Variants in RUNDC3B observed in about 807,000 individuals in gnomAD.
RUNDC3B encodes RUN domain containing 3B.
RUNDC3B carries 33 observed loss-of-function variants against 58.4 expected under a neutral mutation model. The observed-to-expected ratio is 0.56, with a 90% CI of 0.43 to 0.75. RUNDC3B has a LOEUF of 0.75. Ranked by LOEUF, RUNDC3B falls within the 30% of genes least tolerant of loss-of-function variation. RUNDC3B has a pLI of 0.00. For synonymous variants in RUNDC3B, 193 were observed against 195.2 expected (o/e 0.99, Z 0.10); for missense variants, 501 against 535.7 (o/e 0.94, Z 0.64).
chr7:87,789,555 C>T (rs952782885), intron 8 of RUNDC3B, among the ~76,000 whole-genome samples: 3 of 152,110 alleles, frequency 2.0e-5, no homozygotes, highest in Admixed American at 1.3e-4. Flanking sequence ...TTCTACTCAT[C>T]TGGTCATGTA....
chr7:87,634,043 A>C (rs906433387), intron 1 of RUNDC3B, among the ~76,000 whole-genome samples: 1 of 152,086 alleles, frequency 6.6e-6, no homozygotes, highest in Non-Finnish European at 1.5e-5. Flanking sequence ...GCAGGTGTGA[A>C]GAGAGACCAA....
intron 2 of RUNDC3B, among the ~76,000 whole-genome samples, chr7:87,652,934 G>A (rs1823730214): frequency 6.6e-6 from 1 of 151,844 alleles, no homozygotes; most frequent in Non-Finnish European, 1.5e-5. Context: ...TATTTTTGAA[G>A]TAAAAGGACA....
chr7:87,659,424 T>C (rs1413304902), intron 2 of RUNDC3B, among the ~76,000 whole-genome samples: 1 of 152,194 alleles, frequency 6.6e-6, no homozygotes, highest in Non-Finnish European at 1.5e-5. Flanking sequence ...TATACCAGTC[T>C]ACTGGTATCA....
At chr7:87,714,823 C>G (rs752308353) in intron 4 of RUNDC3B, among the ~76,000 whole-genome samples, 3 of 152,050 alleles carry the variant, frequency 2.0e-5, no homozygotes, top group Non-Finnish European at 4.4e-5. Context: ...CATTCCATTC[C>G]TAGAGCTATG....
chr7:87,766,478 A>G (rs935752360), intron 6 of RUNDC3B, among the ~76,000 whole-genome samples: 5 of 152,140 alleles, frequency 3.3e-5, no homozygotes, highest in African/African-American at 1.2e-4. Flanking sequence ...CTGGGGAAGG[A>G]CTTTATTTCT....
At chr7:87,658,035 A>T (rs1824293516) in intron 2 of RUNDC3B, among the ~76,000 whole-genome samples, 1 of 152,220 alleles carries the variant, frequency 6.6e-6, no homozygotes, top group South Asian at 2.1e-4. Context: ...AAGAACCAGG[A>T]AGATCTCAGA....
intron 1 of RUNDC3B, among the ~76,000 whole-genome samples, chr7:87,646,931 A>G (rs1469621691): frequency 6.6e-6 from 1 of 152,204 alleles, no homozygotes; most frequent in East Asian, 1.9e-4. Context: ...GTTACTTCCT[A>G]TATGTTATTT....
rs772988678 is a variant in RUNDC3B at position 87,816,170 on chromosome 7, C to T, written c.1133C>T (p.Ser378Leu). 5 of 1,608,608 alleles carry T rather than the reference C, an allele frequency of 3.1e-6. No individual in the cohort carries two copies. In the Admixed American group the frequency reaches 8.3e-5, roughly 27 times the overall value. ...EKSYQSLDQL[S>L]AEVSLSQTSL... ...AGTTATCAAAGTCTTGACCAGTTAT[C>T]AGCAGAAGTTAGCCTTTCTCAGACT... Residue 378 changes from serine (S) to leucine (L), a missense_variant, in exon 10 of 11, where the codon TCA becomes TTA. By Grantham distance (145) the Ser-to-Leu change is moderately radical. Transcript: ENST00000394654.
At chr7:87,814,015 G>A (rs1456352181) in intron 9 of RUNDC3B, among the ~76,000 whole-genome samples, 3 of 151,252 alleles carry the variant, frequency 2.0e-5, no homozygotes, top group African/African-American at 7.3e-5. Context: ...AAAATCAAGT[G>A]AGATTTTCTG....
At chr7:87,782,516 G>A (rs933144143) in intron 8 of RUNDC3B, among the ~76,000 whole-genome samples, 1 of 151,714 alleles carries the variant, frequency 6.6e-6, no homozygotes, top group Non-Finnish European at 1.5e-5. Flanking sequence ...TCTAGCTCTG[G>A]GGTTAATTTA....
intron 8 of RUNDC3B, among the ~76,000 whole-genome samples, chr7:87,805,879 T>C (rs564520578): frequency 7.2e-5 from 11 of 152,274 alleles, no homozygotes; most frequent in Admixed American, 2.0e-4. Context: ...ATAATGGTGG[T>C]TTATCATAAT....
intron 8 of RUNDC3B, among the ~76,000 whole-genome samples, chr7:87,794,192 T>C (rs1398161310): frequency 6.6e-6 from 1 of 152,132 alleles, no homozygotes; most frequent in African/African-American, 2.4e-5. Flanking sequence ...ATCCCAGCAC[T>C]TTGGGAGGCC....
intron 3 of RUNDC3B, among the ~76,000 whole-genome samples, chr7:87,703,884 T>C (rs1829307153): frequency 7.8e-6 from 1 of 127,834 alleles, no homozygotes; most frequent in Admixed American, 8.1e-5. Flanking sequence ...ATCAGTTTTT[T>C]CTTTTTTTTT....
intron 1 of RUNDC3B, among the ~76,000 whole-genome samples, chr7:87,636,992 A>G (rs1821837152): frequency 6.6e-6 from 1 of 152,170 alleles, no homozygotes; most frequent in South Asian, 2.1e-4. Context: ...AGAACATGAG[A>G]ACCAAGCAAA....
chr7:87,737,559 C>T (rs532150859), intron 4 of RUNDC3B, among the ~76,000 whole-genome samples: 6 of 151,990 alleles, frequency 3.9e-5, no homozygotes, highest in South Asian at 2.1e-4. Flanking sequence ...CTTCTCAGAT[C>T]GTTTCAGTTT....
At position 87,790,541 on chromosome 7, in the gene RUNDC3B, G is replaced by T. The variant is rs149032504; in HGVS notation, c.956+12586G>T. On this transcript the variant is annotated intron_variant, in intron 8 of 10. Transcript: ENST00000394654. ...GGAGAAATAGGGATATGTGAACTTA[G>T]AGAGAGAATTCAAAATAGCTGTTTT... 3.8e-3 allele frequency among the ~76,000 whole-genome samples: 580 copies of T among 152,210 alleles called. 2 individuals carry two copies. Among genetic ancestry groups the T allele is most frequent in the African/African-American group, 0.013 (554 of 41,528 alleles).
intron 2 of RUNDC3B, among the ~76,000 whole-genome samples, chr7:87,688,220 G>A (rs138690914): frequency 7.4e-4 from 113 of 152,156 alleles, no homozygotes; most frequent in African/African-American, 2.7e-3. Flanking sequence ...AGCATCCGGG[G>A]TTATGTATAC....
intron 1 of RUNDC3B, among the ~76,000 whole-genome samples, chr7:87,649,826 G>A (rs570677956): frequency 2.0e-5 from 3 of 152,230 alleles, no homozygotes; most frequent in Admixed American, 6.5e-5. Flanking sequence ...TGTTCTTGTA[G>A]TAGTGAATAA....
At chr7:87,694,064 A>G (rs1024578069) in intron 2 of RUNDC3B, 65 of 1,532,302 alleles carry the variant, frequency 4.2e-5, no homozygotes, top group Non-Finnish European at 5.3e-5. Context: ...AGTACATTGC[A>G]TGGGTTTTGT....
Sources: allele counts gnomAD v4.1 joint callset (sites outside exome capture counted in the v4.1 genomes callset), GRCh38; gene constraint gnomAD v4.1.1; transcripts MANE v1.5; gene names NCBI Gene and HGNC (gene_info 2026-07-23, HGNC 2026-07-21).